Variants in UBE2N observed in about 807,000 individuals in gnomAD.
UBE2N encodes ubiquitin conjugating enzyme E2 N.
For synonymous variants in UBE2N, 70 were observed against 69.2 expected (o/e 1.01, Z -0.06); for missense variants, 60 against 192.1 (o/e 0.31, Z 4.07).
At chr12:93,439,770 C>A (rs1879044926) in intron 1 of UBE2N, among the ~76,000 whole-genome samples, 1 of 152,102 alleles carries the variant, frequency 6.6e-6, no homozygotes, top group African/African-American at 2.4e-5. Flanking sequence ...AGAAAACCAT[C>A]CTTTTAAGCT....
chr12:93,440,563 C>T (rs894555346), intron 1 of UBE2N, among the ~76,000 whole-genome samples: 3 of 152,200 alleles, frequency 2.0e-5, no homozygotes, highest in African/African-American at 7.2e-5. Context: ...ACATCATCCT[C>T]GAAGCCTAAC....
At chr12:93,434,059 G>A (rs560918415) in intron 1 of UBE2N, among the ~76,000 whole-genome samples, 28 of 152,324 alleles carry the variant, frequency 1.8e-4, no homozygotes, top group African/African-American at 6.0e-4. Context: ...TTAGGAGGCC[G>A]AGGTGGGTGG....
At chr12:93,426,700 A>C (rs1232018311) in intron 1 of UBE2N, among the ~76,000 whole-genome samples, 1 of 152,124 alleles carries the variant, frequency 6.6e-6, no homozygotes, top group Non-Finnish European at 1.5e-5. Context: ...GGAAACTAGT[A>C]AGTCAGATAT....
chr12:93,421,683 A>G (rs1878416853), intron 1 of UBE2N, among the ~76,000 whole-genome samples: 1 of 152,174 alleles, frequency 6.6e-6, no homozygotes, highest in African/African-American at 2.4e-5. Flanking sequence ...TCTTATTAAG[A>G]TAAAAATAGG....
At chr12:93,411,540 A>G (rs917884067) in intron 1 of UBE2N, among the ~76,000 whole-genome samples, 1 of 152,224 alleles carries the variant, frequency 6.6e-6, no homozygotes, top group Non-Finnish European at 1.5e-5. Flanking sequence ...AATGTCTACA[A>G]ATATGTTAAT....
intron 1 of UBE2N, among the ~76,000 whole-genome samples, chr12:93,418,024 A>G (rs1372075870): frequency 6.6e-6 from 1 of 152,000 alleles, no homozygotes; most frequent in Non-Finnish European, 1.5e-5. Context: ...TTTTGTAGAG[A>G]TGGGTTTCTC....
In UBE2N at chr12:93,441,879, G is replaced by A. The variant is rs1449821430; in HGVS notation, c.6C>T (p.Ala2=). Residue 2 remains alanine (A), a synonymous_variant, in exon 1 of 4, where the codon GCC becomes GCT. Transcript: ENST00000318066. ...CCTTGATGATCCTGCGGGGCAGCCCGGCCATCTTGTCAGAACCCGAGTTCG... is the reference window on the plus strand; with the variant it reads ...CCTTGATGATCCTGCGGGGCAGCCCAGCCATCTTGTCAGAACCCGAGTTCG... The part of the protein sequence containing the change: M[A]GLPRRIIKET... 12 of 1,577,686 alleles carry A rather than the reference G, an allele frequency of 7.6e-6. No individual in the cohort carries two copies. Among genetic ancestry groups the A allele is most frequent in the Non-Finnish European group, 1.0e-5 (12 of 1,164,648 alleles).
intron 1 of UBE2N, 90 bp from the exon 2 acceptor site, chr12:93,411,389 C>T (rs1019246988): frequency 1.1e-5 from 16 of 1,504,572 alleles, no homozygotes; most frequent in East Asian, 2.3e-5. Flanking sequence ...CTTAGAACTA[C>T]GCATAATAGA....
At chr12:93,414,038 G>C (rs1878118240) in intron 1 of UBE2N, among the ~76,000 whole-genome samples, 1 of 151,558 alleles carries the variant, frequency 6.6e-6, no homozygotes, top group Non-Finnish European at 1.5e-5. Flanking sequence ...GCACGTGCCT[G>C]TAATCCCAGC....
intron 1 of UBE2N, among the ~76,000 whole-genome samples, chr12:93,419,552 CTGAA>C (rs1878340152): frequency 6.6e-6 from 1 of 152,158 alleles, no homozygotes; most frequent in African/African-American, 2.4e-5. Flanking sequence ...AACAAGCTAA[CTGAA>C]TGATGAAGTA....
intron 1 of UBE2N, among the ~76,000 whole-genome samples, chr12:93,416,766 G>C (rs1878225091): frequency 6.7e-6 from 1 of 149,550 alleles, no homozygotes; most frequent in Admixed American, 6.8e-5. Flanking sequence ...TGTAATCCCT[G>C]CACTTTGGGA....
intron 1 of UBE2N, among the ~76,000 whole-genome samples, chr12:93,417,073 C>T (rs1372804206): frequency 2.0e-5 from 3 of 152,078 alleles, no homozygotes; most frequent in Admixed American, 2.0e-4. Flanking sequence ...AGACTATGTT[C>T]AGGAAGTTAG....
intron 1 of UBE2N, among the ~76,000 whole-genome samples, chr12:93,425,279 T>G (rs944248422): frequency 2.0e-5 from 3 of 152,192 alleles, no homozygotes; most frequent in Non-Finnish European, 4.4e-5. Flanking sequence ...CATTTCATAT[T>G]CCCTAAATCA....
rs967681443 is a variant in UBE2N at position 93,436,541 on chromosome 12, C to A, written c.30+5314G>T. 3.3e-5 allele frequency among the ~76,000 whole-genome samples: 5 copies of A among 152,310 alleles called. 1 individual carries two copies. Among genetic ancestry groups the A allele is most frequent in the East Asian group, 1.9e-4 (1 of 5,190 alleles). Reference sequence around the variant, plus strand: ...TTATCGGTTCCCGAAAGTGATTCTCCTTTATGACAGGATTATGCAGAACCT... The same window carrying A: ...TTATCGGTTCCCGAAAGTGATTCTCATTTATGACAGGATTATGCAGAACCT... On this transcript the variant is annotated intron_variant, in intron 1 of 3. Coordinates refer to ENST00000318066, the MANE Select transcript of UBE2N (RefSeq NM_003348.4).
Position 93,417,947 on chromosome 12 carries a change from A to C in UBE2N, c.31-6648T>G, listed in dbSNP as rs180952927. 2.0e-5 allele frequency among the ~76,000 whole-genome samples: 3 copies of C among 152,320 alleles called. No homozygotes were observed. In the East Asian group the frequency reaches 5.8e-4, roughly 29 times the overall value. ...ATTCTTCATTATGTACACAACTGTA[A>C]GTTACTTATGAGAATCTGCAAGTTC... On this transcript the variant is annotated intron_variant, in intron 1 of 3. Coordinates refer to ENST00000318066, the MANE Select transcript of UBE2N (RefSeq NM_003348.4).
chr12:93,441,757 A>AGCGGGCC, intron 1 of UBE2N, 98 bp downstream of exon 1: 1 of 1,509,758 alleles, frequency 6.6e-7, no homozygotes, highest in Non-Finnish European at 8.9e-7. Flanking sequence ...GGCCTCCCAG[A>AGCGGGCC]GCGGGCCGCG....
In UBE2N at chr12:93,407,903, TACCAAA is replaced by T. The variant is rs1417977801; in HGVS notation, c.*2130_*2135del. The T allele has an allele frequency of 1.3e-5, 2 of 152,316 alleles. No homozygotes were observed. Among genetic ancestry groups the T allele is most frequent in the Admixed American group, 6.5e-5 (1 of 15,286 alleles). 9.4% of individuals were successfully genotyped at this position (152,316 alleles called of 1,614,324 possible). A position where few individuals can be genotyped will look rare whatever the true frequency, so the allele number is the denominator to read the frequency against. On this transcript the variant is annotated 3_prime_UTR_variant, in exon 4 of 4. Transcript: ENST00000318066. ...TCTTAGCAAAGTAATGGGGGAGTCT[TACCAAA>T]ACTGCAAAGGAAAAAAATATGATAC...
chr12:93,428,357 G>C (rs1243386152), intron 1 of UBE2N, among the ~76,000 whole-genome samples: 1 of 152,212 alleles, frequency 6.6e-6, no homozygotes, highest in Non-Finnish European at 1.5e-5. Flanking sequence ...CACAGTCTTA[G>C]TTCAAATATC....
At chr12:93,416,365 A>G (rs1878207778) in intron 1 of UBE2N, among the ~76,000 whole-genome samples, 1 of 152,074 alleles carries the variant, frequency 6.6e-6, no homozygotes, top group Non-Finnish European at 1.5e-5. Context: ...GTTTTACACT[A>G]TTCTTTGGTG....
Sources: allele counts gnomAD v4.1 joint callset (sites outside exome capture counted in the v4.1 genomes callset), GRCh38; gene constraint gnomAD v4.1.1; transcripts MANE v1.5; gene names NCBI Gene and HGNC (gene_info 2026-07-23, HGNC 2026-07-21).